Variants in DTX4 observed in about 807,000 individuals in gnomAD.
The protein encoded by DTX4 is deltex E3 ubiquitin ligase 4, also known as E3 ubiquitin-protein ligase DTX4.
In DTX4, 28 loss-of-function variants were observed where a neutral mutation model predicts 57.6. The observed-to-expected ratio is 0.49, with a 90% confidence interval of 0.36 to 0.67. DTX4 has a LOEUF of 0.67. Among genes scored for constraint, DTX4 ranks in the 30% least tolerant of loss-of-function variants. The probability of loss-of-function intolerance (pLI) is 0.00; values close to 1 mark genes in which losing one functional copy is unlikely to be tolerated. For missense variants in DTX4, 715 were observed against 836.8 expected, an observed-to-expected ratio of 0.85 and a Z score of 1.80; for synonymous variants, 316 against 331.0, an observed-to-expected ratio of 0.95 and a Z score of 0.49.
chr11:59,204,448 A>C (rs1473898887), intron 8 of DTX4, among the ~76,000 whole-genome samples: 1 of 152,204 alleles, frequency 6.6e-6, no homozygotes, highest in Non-Finnish European at 1.5e-5. Context: ...TAATGTTCAG[A>C]GAGGTGCTAT....
At chr11:59,180,964 A>G (rs954293646) in intron 1 of DTX4, among the ~76,000 whole-genome samples, 2 of 152,176 alleles carry the variant, frequency 1.3e-5, no homozygotes, top group African/African-American at 4.8e-5. Context: ...CTGATATAAG[A>G]TTTAATGTTG....
intron 2 of DTX4, among the ~76,000 whole-genome samples, chr11:59,186,082 C>T (rs1196789151): frequency 6.6e-6 from 1 of 152,180 alleles, no homozygotes; most frequent in Non-Finnish European, 1.5e-5. Flanking sequence ...TATACCCCTT[C>T]TCCCCAGACC....
chr11:59,184,918 G>C (rs1862509424), intron 2 of DTX4, among the ~76,000 whole-genome samples: 1 of 152,090 alleles, frequency 6.6e-6, no homozygotes, highest in African/African-American at 2.4e-5. Flanking sequence ...CATTTAATTA[G>C]CGTGTTTATT....
At chr11:59,193,634 TTTCTCA>T (rs1328374400) in intron 6 of DTX4, among the ~76,000 whole-genome samples, 6 of 152,226 alleles carry the variant, frequency 3.9e-5, no homozygotes, top group Non-Finnish European at 8.8e-5. Context: ...TTCAAAAATG[TTTCTCA>T]AGAGTCTATG....
upstream of DTX4, among the ~76,000 whole-genome samples, chr11:59,171,683 GAGGATGAGGTAAT>G (rs1288477009): frequency 6.6e-6 from 1 of 152,196 alleles, no homozygotes. Flanking sequence ...GGATGCGGGA[GAGGATGAGGTAAT>G]AGGAGCCGGG....
chr11:59,204,337 G>T (rs572698862), intron 8 of DTX4, among the ~76,000 whole-genome samples: 1 of 152,204 alleles, frequency 6.6e-6, no homozygotes, highest in Non-Finnish European at 1.5e-5. Flanking sequence ...ATCAATTAGT[G>T]CGTTGTAGGC....
At chr11:59,192,839 G>C (rs1862616931) in intron 6 of DTX4, among the ~76,000 whole-genome samples, 1 of 152,210 alleles carries the variant, frequency 6.6e-6, no homozygotes, top group African/African-American at 2.4e-5. Flanking sequence ...TGGGATGCTT[G>C]TCTTGTCTAT....
At chr11:59,183,846 C>A (rs1862495617) in intron 2 of DTX4, among the ~76,000 whole-genome samples, 1 of 152,312 alleles carries the variant, frequency 6.6e-6, no homozygotes, top group Non-Finnish European at 1.5e-5. Flanking sequence ...ATCGTGAAAA[C>A]CTCCACTAAG....
chr11:59,199,865 T>C, intron 8 of DTX4, 92 bp downstream of exon 8: 3 of 1,034,832 alleles, frequency 2.9e-6, no homozygotes, highest in East Asian at 5.2e-5. Context: ...CTTCTTACAA[T>C]GCACAGACCA....
At chr11:59,171,710 A>T (rs900515740), upstream of DTX4, among the ~76,000 whole-genome samples, 2 of 152,072 alleles carry the variant, frequency 1.3e-5, no homozygotes, top group African/African-American at 2.4e-5. Flanking sequence ...AGCCGGGGCA[A>T]GGAAGGAGTT....
In DTX4 at chr11:59,199,716, C is replaced by T. The variant is rs1590989796; in HGVS notation, c.1569C>T (p.Phe523=). The T allele has an allele frequency of 1.9e-6, 3 of 1,578,176 alleles. No homozygotes were observed. Among genetic ancestry groups the T allele is most frequent in the Non-Finnish European group, 2.6e-6 (3 of 1,161,712 alleles). ...GPEHPNPGKS[F]SARGFPRHCY... ...AACACCCGAATCCTGGGAAGAGTTT[C>T]AGCGCCCGAGGCTTCCCACGACACT... Residue 523 remains phenylalanine (F), a synonymous_variant, in exon 8 of 9, where the codon TTC becomes TTT. Transcript: ENST00000227451.
rs3837398 is a variant in DTX4 at position 59,206,509 on chromosome 11, G to GTATATATATA, written c.*1612_*1621dup. On this transcript the variant is annotated 3_prime_UTR_variant, in exon 9 of 9. Coordinates refer to ENST00000227451, the MANE Select transcript of DTX4 (RefSeq NM_015177.2). The stretch of plus-strand genomic sequence containing the variant: ...ATACCTCATGTTTTGGGGGTTTGAC[G>GTATATATATA]TATATATATATATATATATATGCAT... The GTATATATATA allele has an allele frequency of 5.0e-3, 714 of 142,242 alleles. 4 individuals carry two copies. The highest frequency in any genetic ancestry group is 0.012 in the African/African-American group (468 of 37,994). The allele number at this position is 142,242 out of a possible 1,614,324, so 8.8% of individuals were successfully genotyped here. A position where few individuals can be genotyped will look rare whatever the true frequency, so the allele number is the denominator to read the frequency against.
chr11:59,199,626 C>A, intron 7 of DTX4, 58 bp from the exon 8 acceptor site: 1 of 1,321,414 alleles, frequency 7.6e-7, no homozygotes, highest in Non-Finnish European at 1.1e-6. Flanking sequence ...AGCCTAACCC[C>A]GCTCTTATCA....
At chr11:59,189,043 G>C in intron 3 of DTX4, 119 bp from the exon 4 acceptor site, 1 of 1,271,212 alleles carries the variant, frequency 7.9e-7, no homozygotes, top group Non-Finnish European at 1.1e-6. Context: ...AGAGAATCCA[G>C]GAATTATGAG....
chr11:59,176,365 C>G (rs1025659801), intron 1 of DTX4, among the ~76,000 whole-genome samples: 1 of 152,184 alleles, frequency 6.6e-6, no homozygotes, highest in Admixed American at 6.5e-5. Flanking sequence ...AGTAAGGAAA[C>G]AAATTGAAAG....
At chr11:59,201,676 G>A (rs1392980193) in intron 8 of DTX4, among the ~76,000 whole-genome samples, 5 of 152,248 alleles carry the variant, frequency 3.3e-5, no homozygotes, top group African/African-American at 1.2e-4. Flanking sequence ...CTGAGAAGAT[G>A]TGCGAGTGCA....
intron 1 of DTX4, among the ~76,000 whole-genome samples, chr11:59,178,108 C>T (rs1392524098): frequency 6.6e-6 from 1 of 152,130 alleles, no homozygotes; most frequent in Admixed American, 6.5e-5. Context: ...GAAATAAGCT[C>T]TTCCTGTGGG....
chr11:59,178,074 G>T (rs1225771756), intron 1 of DTX4, among the ~76,000 whole-genome samples: 1 of 152,150 alleles, frequency 6.6e-6, no homozygotes, highest in Non-Finnish European at 1.5e-5. Context: ...ACCTGGCCAG[G>T]ACTGCCCAGG....
At chr11:59,189,373 C>T in intron 4 of DTX4, 50 bp downstream of exon 4, 2 of 1,479,786 alleles carry the variant, frequency 1.4e-6, no homozygotes, top group Non-Finnish European at 1.8e-6. Context: ...ACTTGGCTGT[C>T]AGCCCTGAGT....
Sources: gnomAD v4.1 joint callset for allele counts (sites outside exome capture counted in the v4.1 genomes callset) on GRCh38, gnomAD v4.1.1 for gene constraint, MANE v1.5 for transcripts, NCBI Gene and HGNC (gene_info 2026-07-23, HGNC 2026-07-21) for gene names.